Variants in HMGCLL1 observed in about 807,000 individuals in gnomAD.
HMGCLL1 encodes 3-hydroxymethyl-3-methylglutaryl-CoA lyase, cytoplasmic.
HMGCLL1 carries 36 observed loss-of-function variants against 39.1 expected under a neutral mutation model. That is an observed-to-expected ratio of 0.92 (90% CI 0.71 to 1.22). The LOEUF (loss-of-function observed/expected upper bound fraction) is 1.22, where lower values mean the gene tolerates loss of function less well. Ranked by LOEUF, HMGCLL1 falls within the 50% of genes most tolerant of loss-of-function variation. The pLI is 0.00. For synonymous variants in HMGCLL1, 149 were observed against 144.0 expected (o/e 1.03, Z -0.25); for missense variants, 451 against 416.5 (o/e 1.08, Z -0.72).
chr6:55,541,184 C>G (rs2127456427), intron 3 of HMGCLL1, among the ~76,000 whole-genome samples: 1 of 152,222 alleles, frequency 6.6e-6, no homozygotes, highest in African/African-American at 2.4e-5. Flanking sequence ...CCTGAAAACC[C>G]TAGAGAAAGC....
chr6:55,463,194 T>G, intron 7 of HMGCLL1, among the ~76,000 whole-genome samples: 1 of 151,970 alleles, frequency 6.6e-6, no homozygotes, highest in African/African-American at 2.4e-5. Context: ...CATGCCTGGC[T>G]AATTTTTTTC....
the HMGCLL1 span, among the ~76,000 whole-genome samples, chr6:55,673,528 C>T: frequency 4.0e-5 from 6 of 151,822 alleles, no homozygotes; most frequent in Non-Finnish European, 7.4e-5. Flanking sequence ...CAAGGGCGAA[C>T]GAACATGCTT....
chr6:55,488,097 A>C (rs994413622), intron 7 of HMGCLL1, among the ~76,000 whole-genome samples: 4 of 152,096 alleles, frequency 2.6e-5, no homozygotes, highest in African/African-American at 9.7e-5. Context: ...CAGAATAGAA[A>C]ATTTTTCAAT....
chr6:55,643,949 G>A, the HMGCLL1 span, among the ~76,000 whole-genome samples: 2 of 151,992 alleles, frequency 1.3e-5, no homozygotes, highest in African/African-American at 4.8e-5. Flanking sequence ...TCATATGGTA[G>A]CTTTATTTTT....
At chr6:55,451,891 T>C (rs1236437767) in intron 7 of HMGCLL1, among the ~76,000 whole-genome samples, 1 of 152,158 alleles carries the variant, frequency 6.6e-6, no homozygotes, top group Non-Finnish European at 1.5e-5. Flanking sequence ...TTTTTGAAAA[T>C]AGCAAAAGCA....
intron 7 of HMGCLL1, among the ~76,000 whole-genome samples, chr6:55,479,398 G>C (rs1765615163): frequency 6.6e-6 from 1 of 151,358 alleles, no homozygotes; most frequent in Non-Finnish European, 1.5e-5. Context: ...ACTATGTGGT[G>C]GGATATATCT....
At chr6:55,662,326 T>C in the HMGCLL1 span, among the ~76,000 whole-genome samples, 18 of 151,982 alleles carry the variant, frequency 1.2e-4, no homozygotes, top group African/African-American at 4.1e-4. Context: ...TGTGGTTTTT[T>C]CATTGATGGC....
chr6:55,650,108 T>TACACAC, the HMGCLL1 span, among the ~76,000 whole-genome samples: 601 of 75,692 alleles, frequency 7.9e-3, 31 homozygotes, highest in African/African-American at 0.031. Flanking sequence ...TATATATATA[T>TACACAC]ATATATATAT....
At chr6:55,659,106 T>C in the HMGCLL1 span, among the ~76,000 whole-genome samples, 5 of 151,996 alleles carry the variant, frequency 3.3e-5, no homozygotes, top group South Asian at 2.1e-4. Flanking sequence ...TGGATATTTA[T>C]GAGAAATACC....
chr6:55,627,888 TA>T, the HMGCLL1 span, among the ~76,000 whole-genome samples: 1 of 42,810 alleles, frequency 2.3e-5, no homozygotes, highest in Middle Eastern at 8.9e-3. Flanking sequence ...CCCTTATATA[TA>T]TATATATATA....
At chr6:55,601,592 T>C in the HMGCLL1 span, among the ~76,000 whole-genome samples, 2 of 152,140 alleles carry the variant, frequency 1.3e-5, no homozygotes, top group African/African-American at 4.8e-5. Context: ...TATAAATAAA[T>C]GTAGAATTGC....
At chr6:55,658,364 T>C in the HMGCLL1 span, among the ~76,000 whole-genome samples, 8,359 of 151,978 alleles carry the variant, frequency 0.055, 393 homozygotes, top group Non-Finnish European at 0.077. Flanking sequence ...AAAAATATCA[T>C]CTCTGATCCT....
the HMGCLL1 span, among the ~76,000 whole-genome samples, chr6:55,619,976 T>C: frequency 6.6e-6 from 1 of 152,160 alleles, no homozygotes; most frequent in Non-Finnish European, 1.5e-5. Context: ...TCGCTTAACA[T>C]AATGACTTCC....
intron 1 of HMGCLL1, among the ~76,000 whole-genome samples, chr6:55,542,848 AAT>A (rs982580257): frequency 2.5e-4 from 34 of 138,190 alleles, no homozygotes; most frequent in South Asian, 8.6e-4. Context: ...ATTATATATA[AAT>A]ATATATATAT....
chr6:55,512,644 G>A (rs1161455437), intron 5 of HMGCLL1: 1 of 152,052 alleles, frequency 6.6e-6, no homozygotes, highest in Non-Finnish European at 1.5e-5. Flanking sequence ...ACTAGGTATA[G>A]TCTAACTCTA....
the HMGCLL1 span, among the ~76,000 whole-genome samples, chr6:55,677,463 T>C: frequency 1.3e-5 from 2 of 152,224 alleles, no homozygotes; most frequent in Non-Finnish European, 2.9e-5. Context: ...ATTTACTTCA[T>C]TACAATTTAC....
chr6:55,504,372 A>G (rs1216026820), intron 5 of HMGCLL1, among the ~76,000 whole-genome samples: 1 of 151,780 alleles, frequency 6.6e-6, no homozygotes, highest in Non-Finnish European at 1.5e-5. Context: ...AAATTTCAAT[A>G]GTATGTATCT....
At chr6:55,502,762 A>T (rs1581865777) in intron 5 of HMGCLL1, among the ~76,000 whole-genome samples, 1 of 151,388 alleles carries the variant, frequency 6.6e-6, no homozygotes, top group East Asian at 1.9e-4. Context: ...TTCATTTCAA[A>T]TACATGATTT....
At chr6:55,637,890 G>A in the HMGCLL1 span, among the ~76,000 whole-genome samples, 2 of 152,000 alleles carry the variant, frequency 1.3e-5, no homozygotes, top group African/African-American at 4.8e-5. Context: ...AATCCAAGAG[G>A]AAGGGCACTA....
Sources: gnomAD v4.1 joint callset for allele counts (sites outside exome capture counted in the v4.1 genomes callset) on GRCh38, gnomAD v4.1.1 for gene constraint, MANE v1.5 for transcripts, NCBI Gene and HGNC (gene_info 2026-07-23, HGNC 2026-07-21) for gene names.